DNAH6: variants seen among roughly 807,000 people sequenced by gnomAD.
The protein encoded by DNAH6 is axonemal beta dynein heavy chain 6.
In DNAH6, 340 loss-of-function variants were observed where a neutral mutation model predicts 491.4. That is an observed-to-expected ratio of 0.69 (90% CI 0.63 to 0.76). The LOEUF is 0.76. Among genes scored for constraint, DNAH6 ranks in the 30% least tolerant of loss-of-function variants. The probability of loss-of-function intolerance (pLI) is 0.00; values close to 1 mark genes in which losing one functional copy is unlikely to be tolerated. For missense variants in DNAH6, 4,443 were observed against 4,972.2 expected, an observed-to-expected ratio of 0.89 and a Z score of 3.20; for synonymous variants, 1,603 against 1,686.1, an observed-to-expected ratio of 0.95 and a Z score of 1.21.
At chr2:84,721,307 C>T (rs1698132991) in intron 59 of DNAH6, among the ~76,000 whole-genome samples, 1 of 152,058 alleles carries the variant, frequency 6.6e-6, no homozygotes, top group Non-Finnish European at 1.5e-5. Context: ...CCCATATTAA[C>T]ATAGGGGTTT....
chr2:84,808,385 T>A, intron 71 of DNAH6, 30 bp from the exon 72 acceptor site: 1 of 1,487,276 alleles, frequency 6.7e-7, no homozygotes, highest in South Asian at 1.4e-5. Context: ...CAATGGTGAC[T>A]GGCCTGAGGA....
At chr2:84,576,749 T>C (rs771111222) in intron 12 of DNAH6, among the ~76,000 whole-genome samples, 7 of 152,108 alleles carry the variant, frequency 4.6e-5, no homozygotes, top group Non-Finnish European at 1.0e-4. Flanking sequence ...CATATGCAAA[T>C]TGACAAAGGC....
chr2:84,545,729 C>T (rs1678710781), intron 5 of DNAH6, among the ~76,000 whole-genome samples: 1 of 152,112 alleles, frequency 6.6e-6, no homozygotes, highest in South Asian at 2.1e-4. Flanking sequence ...GTATTAAATG[C>T]TATAATCACC....
At chr2:84,547,444 T>C (rs898445754) in intron 6 of DNAH6, 42 bp downstream of exon 6, 39 of 1,551,338 alleles carry the variant, frequency 2.5e-5, no homozygotes, top group Admixed American at 7.9e-5. Flanking sequence ...TTTTTCCCTA[T>C]TTTTGATACT....
intron 11 of DNAH6, among the ~76,000 whole-genome samples, chr2:84,561,911 G>A (rs978018019): frequency 9.9e-5 from 15 of 152,144 alleles, no homozygotes; most frequent in Non-Finnish European, 2.1e-4. Flanking sequence ...ACTACAGGAT[G>A]AGTTTCATCT....
chr2:84,791,906 CAT>C (rs10582229), intron 68 of DNAH6, among the ~76,000 whole-genome samples: 3,745 of 152,082 alleles, frequency 0.025, 126 homozygotes, highest in African/African-American at 0.081. Context: ...TCAAAGATGA[CAT>C]AGTCTCTGCC....
chr2:84,813,972 A>T lies in DNAH6; in HGVS notation c.12000A>T (p.Gly4000=). Reference sequence around the variant, plus strand: ...GCTTTCCGATTTTCACAATTACAGGAACTCTTCAAAATCATGCTCGAAAAT... The same window carrying T: ...GCTTTCCGATTTTCACAATTACAGGTACTCTTCAAAATCATGCTCGAAAAT... ...GFFFPQGFLT[G]TLQNHARKYN... is the part of the protein sequence containing the mutation. Residue 4000 remains glycine (G), a splice_region_variant and synonymous_variant, in exon 75 of 77, where the codon GGA becomes GGT. Coordinates refer to ENST00000389394, the MANE Select transcript of DNAH6 (RefSeq NM_001370.2). 1 of 1,551,710 alleles carries T rather than the reference A, an allele frequency of 6.4e-7. No homozygotes were observed. The highest frequency in any genetic ancestry group is 1.2e-5 in the South Asian group (1 of 84,050).
At chr2:84,653,129 CAA>C (rs1458128723) in intron 33 of DNAH6, among the ~76,000 whole-genome samples, 188 bp from the exon 34 acceptor site, 1 of 151,960 alleles carries the variant, frequency 6.6e-6, no homozygotes, top group Non-Finnish European at 1.5e-5. Flanking sequence ...AGGAAACAAA[CAA>C]AATCATACAT....
intron 61 of DNAH6, among the ~76,000 whole-genome samples, chr2:84,729,722 G>A (rs1698967399): frequency 6.6e-6 from 1 of 152,042 alleles, no homozygotes; most frequent in Admixed American, 6.6e-5. Flanking sequence ...TAATTAAACT[G>A]TCTTTTCCTC....
At chr2:84,498,267 A>G in the DNAH6 span, among the ~76,000 whole-genome samples, 1 of 152,334 alleles carries the variant, frequency 6.6e-6, no homozygotes, top group African/African-American at 2.4e-5. Flanking sequence ...TGACACTAAT[A>G]GAGTTCTCAA....
chr2:84,631,567 A>G (rs184892944), intron 29 of DNAH6, among the ~76,000 whole-genome samples: 7 of 152,330 alleles, frequency 4.6e-5, no homozygotes, highest in Non-Finnish European at 8.8e-5. Context: ...GTGCCTTTGT[A>G]AGAAGAGAAA....
rs1211713511 is a variant in DNAH6, at chr2:84,658,354, A to G, written c.5820A>G (p.Leu1940=). ...TCCAACGTTATGTTGATGAAGGTTT[A>G]CATTTTATCAATAAAAAGTGCAGCC... ...NLFQRYVDEG[L]HFINKKCSQA... The change falls in exon 36 of 77, where the codon TTA becomes TTG. Residue 1940 remains leucine, a synonymous_variant. Transcript: ENST00000389394. The G allele has an allele frequency of 6.5e-7, 1 of 1,548,876 alleles. No individual in the cohort carries two copies. Among genetic ancestry groups the G allele is most frequent in the Non-Finnish European group, 8.7e-7 (1 of 1,145,508 alleles).
At chr2:84,487,271 G>A in the DNAH6 span, among the ~76,000 whole-genome samples, 3,409 of 152,256 alleles carry the variant, frequency 0.022, 54 homozygotes, top group Non-Finnish European at 0.035. Flanking sequence ...GAACTATTTC[G>A]AGGATCCAAT....
chr2:84,508,229 T>C, the DNAH6 span, among the ~76,000 whole-genome samples: 348 of 152,330 alleles, frequency 2.3e-3, 1 homozygote, highest in African/African-American at 8.3e-3. Flanking sequence ...CTATTAATTA[T>C]TGCCTTAATT....
chr2:84,571,050 C>A (rs1327857852), intron 11 of DNAH6, among the ~76,000 whole-genome samples: 1 of 152,172 alleles, frequency 6.6e-6, no homozygotes. Context: ...GGAACCAATT[C>A]TGGACACGCT....
chr2:84,672,510 G>A (rs1692832397), intron 40 of DNAH6, 26 bp downstream of exon 40: 2 of 1,534,750 alleles, frequency 1.3e-6, no homozygotes, highest in Non-Finnish European at 1.8e-6. Context: ...AAATTACTTG[G>A]TGTGCTTAAA....
chr2:84,499,618 C>T, the DNAH6 span, among the ~76,000 whole-genome samples: 1 of 152,180 alleles, frequency 6.6e-6, no homozygotes, highest in Non-Finnish European at 1.5e-5. Context: ...AACCTCCAAA[C>T]AGTTCTCCAT....
Position 84,641,857 on chromosome 2 carries a change from G to A in DNAH6, c.4971-90G>A, listed in dbSNP as rs540522489. The A allele has an allele frequency of 2.6e-4, 265 of 1,001,762 alleles. No individual in the cohort carries two copies. The South Asian group carries it at 3.5e-3, about 13-fold the overall frequency. 62.1% of individuals were successfully genotyped at this position (1,001,762 alleles called of 1,614,324 possible). ...TTCTCCTTCTAACAGGAATCCTCAG[G>A]GGAAGGGCTCTGCCCTCCCCACAGG... On this transcript the variant is annotated intron_variant, in intron 32 of 76. Coordinates refer to ENST00000389394, the MANE Select transcript of DNAH6 (RefSeq NM_001370.2).
intron 30 of DNAH6, 61 bp downstream of exon 30, chr2:84,634,702 G>T (rs1688714584): frequency 7.0e-7 from 1 of 1,419,366 alleles, no homozygotes; most frequent in African/African-American, 1.5e-5. Flanking sequence ...TTAACTCACA[G>T]AATGTTACAT....
Sources: allele counts gnomAD v4.1 joint callset (sites outside exome capture counted in the v4.1 genomes callset), GRCh38; gene constraint gnomAD v4.1.1; transcripts MANE v1.5; gene names NCBI Gene and HGNC (gene_info 2026-07-23, HGNC 2026-07-21).